Variants in CAST observed in about 807,000 individuals in gnomAD.
CAST encodes the protein MIR583 host.
A neutral mutation model predicts 119.6 loss-of-function variants in CAST; 76 were observed. The observed-to-expected ratio is 0.64, with a 90% CI of 0.53 to 0.77. The LOEUF (loss-of-function observed/expected upper bound fraction) is 0.77, where lower values mean the gene tolerates loss of function less well. Ranked by LOEUF, CAST falls within the 30% of genes least tolerant of loss-of-function variation. The pLI, the probability that CAST is intolerant of heterozygous loss-of-function variation, is 0.00. For synonymous variants in CAST, 319 were observed against 331.6 expected, an observed-to-expected ratio of 0.96 and a Z score of 0.41; for missense variants, 953 against 946.5, an observed-to-expected ratio of 1.01 and a Z score of -0.09.
At chr5:96,409,617 T>C in the CAST span, among the ~76,000 whole-genome samples, 1 of 152,144 alleles carries the variant, frequency 6.6e-6, no homozygotes, top group Non-Finnish European at 1.5e-5. Context: ...TGTGAAATGG[T>C]GATTCTGAAA....
At chr5:96,455,719 C>A in the CAST span, among the ~76,000 whole-genome samples, 2 of 152,240 alleles carry the variant, frequency 1.3e-5, no homozygotes, top group Non-Finnish European at 2.9e-5. Context: ...CATAGCTTAA[C>A]CATTGCCTCC....
At chr5:96,283,153 A>C in the CAST span, among the ~76,000 whole-genome samples, 20 of 151,666 alleles carry the variant, frequency 1.3e-4, no homozygotes, top group Non-Finnish European at 2.7e-4. Context: ...AAAGAAAAAA[A>C]TTTATTACAG....
In CAST at chr5:96,722,620, T is replaced by A. The variant is rs1758492755; in HGVS notation, c.211-19T>A. The A allele has an allele frequency of 1.9e-6, 3 of 1,596,288 alleles. No homozygotes were observed. Among genetic ancestry groups the A allele is most frequent in the Non-Finnish European group, 1.7e-6 (2 of 1,163,950 alleles). ...GGTTAAATAGAATCGAACTTTCTAT[T>A]TCTTTCTTTCCTTTCTAGGTGTCAG... On this transcript the variant is annotated intron_variant, in intron 3 of 31. Transcript: ENST00000675179.
chr5:96,041,210 A>G, the CAST span, among the ~76,000 whole-genome samples: 4,228 of 152,234 alleles, frequency 0.028, 197 homozygotes, highest in African/African-American at 0.095. Context: ...GATCAAGGCC[A>G]TTATCAACAG....
chr5:96,769,479 G>A (rs781715036), intron 29 of CAST: 3 of 144,454 alleles, frequency 2.1e-5, no homozygotes, highest in Non-Finnish European at 3.0e-5. Context: ...ACATTTTATT[G>A]TGTATATTTG....
rs879438143 is a variant in CAST, at chr5:96,649,733, T to A, written c.61-25806T>A. 4.6e-5 allele frequency among the ~76,000 whole-genome samples: 7 copies of A among 152,340 alleles called. No individual in the cohort carries two copies. The East Asian group carries it at 1.3e-3, about 29-fold the overall frequency. On this transcript the variant is annotated intron_variant, in intron 1 of 11. Coordinates refer to the CAST transcript ENST00000505143. ...AATAATAAAATGAAAATTATGTTCA[T>A]CCTGCATCATCACAGGTTTATTGTC...
At chr5:95,963,193 T>G in the CAST span, among the ~76,000 whole-genome samples, 1 of 152,244 alleles carries the variant, frequency 6.6e-6, no homozygotes, top group Non-Finnish European at 1.5e-5. Flanking sequence ...CCATGTTCTG[T>G]TCTACTGGGA....
the CAST span, among the ~76,000 whole-genome samples, chr5:96,334,780 C>T: frequency 6.6e-6 from 1 of 152,202 alleles, no homozygotes; most frequent in Non-Finnish European, 1.5e-5. Flanking sequence ...GATCCTTACC[C>T]TTGGAGGCAA....
intron 1 of CAST, among the ~76,000 whole-genome samples, chr5:96,605,936 T>C (rs1462221015): frequency 1.3e-5 from 2 of 152,192 alleles, no homozygotes; most frequent in African/African-American, 2.4e-5. Flanking sequence ...CTGTGATAAC[T>C]GTATTTGAAA....
chr5:96,225,647 G>T, the CAST span, among the ~76,000 whole-genome samples: 2 of 152,210 alleles, frequency 1.3e-5, no homozygotes, highest in South Asian at 4.2e-4. Flanking sequence ...TATGTAAATA[G>T]CTATATTTTT....
the CAST span, among the ~76,000 whole-genome samples, chr5:96,449,545 T>C: frequency 6.6e-6 from 1 of 152,240 alleles, no homozygotes; most frequent in East Asian, 1.9e-4. Flanking sequence ...CTGGTTTACA[T>C]GATTAGGCTA....
the CAST span, among the ~76,000 whole-genome samples, chr5:96,330,194 G>A: frequency 1.1e-4 from 16 of 152,144 alleles, no homozygotes; most frequent in Non-Finnish European, 2.1e-4. Context: ...TAAAAAGATG[G>A]TTTTTTAAAA....
the CAST span, chr5:96,410,706 G>A: frequency 8.0e-7 from 1 of 1,250,028 alleles, no homozygotes; most frequent in Non-Finnish European, 1.2e-6. Context: ...GGTCAGTTAG[G>A]GGAATCATTT....
intron 3 of CAST, among the ~76,000 whole-genome samples, chr5:96,719,412 C>T (rs1293806298): frequency 1.3e-5 from 2 of 152,230 alleles, no homozygotes; most frequent in Non-Finnish European, 2.9e-5. Context: ...CCTCCCATCT[C>T]GGCCTCCCGA....
the CAST span, among the ~76,000 whole-genome samples, chr5:96,431,674 G>A: frequency 6.6e-6 from 1 of 152,084 alleles, no homozygotes. Context: ...AAGACAATTT[G>A]GTTTATAAAG....
chr5:96,244,157 T>C, the CAST span, among the ~76,000 whole-genome samples: 1 of 152,198 alleles, frequency 6.6e-6, no homozygotes, highest in Non-Finnish European at 1.5e-5. Flanking sequence ...CAAAGTCTGA[T>C]CATAAAGCAT....
At chr5:96,421,034 C>T in the CAST span, among the ~76,000 whole-genome samples, 1 of 152,218 alleles carries the variant, frequency 6.6e-6, no homozygotes, top group Admixed American at 6.5e-5. Flanking sequence ...TTGAGTGTCT[C>T]CTTGATGTCT....
chr5:96,712,627 C>T (rs908271700), intron 3 of CAST, among the ~76,000 whole-genome samples: 2 of 152,176 alleles, frequency 1.3e-5, no homozygotes, highest in Non-Finnish European at 2.9e-5. Flanking sequence ...CTGTGCCCAG[C>T]GACCATCTCT....
chr5:96,474,407 G>A, the CAST span, among the ~76,000 whole-genome samples: 1 of 146,350 alleles, frequency 6.8e-6, no homozygotes, highest in African/African-American at 2.5e-5. Context: ...CATATTCAAA[G>A]TCTGAGCAAC....
Sources: allele counts gnomAD v4.1 joint callset (sites outside exome capture counted in the v4.1 genomes callset), GRCh38; gene constraint gnomAD v4.1.1; transcripts MANE v1.5; gene names NCBI Gene and HGNC (gene_info 2026-07-23, HGNC 2026-07-21).